Variants in KDM7A observed in about 807,000 individuals in gnomAD.
KDM7A encodes lysine-specific demethylase 7A.
Under a neutral mutation model 114.8 loss-of-function variants are expected in KDM7A, and 28 were observed. The ratio of observed to expected loss-of-function variants is 0.24; its 90% CI spans 0.18 to 0.33. The LOEUF is 0.33. Among genes scored for constraint, KDM7A ranks in the 10% least tolerant of loss-of-function variants. The pLI, the probability that KDM7A is intolerant of heterozygous loss-of-function variation, is 1.00. For synonymous variants in KDM7A, 423 were observed against 397.8 expected (o/e 1.06, Z -0.75); for missense variants, 942 against 1,142.5 (o/e 0.82, Z 2.53).
chr7:140,098,684 T>C (rs1013072680), intron 14 of KDM7A, among the ~76,000 whole-genome samples, 195 bp downstream of exon 14: 1 of 152,188 alleles, frequency 6.6e-6, no homozygotes, highest in African/African-American at 2.4e-5. Flanking sequence ...ACACCGCCCC[T>C]GGCCACTGGG....
rs1255151393 is a variant in KDM7A, at chr7:140,088,319, T to A, written c.*2775A>T. The A allele has an allele frequency of 2.6e-6, 1 of 390,732 alleles. No individual in the cohort carries two copies. The highest frequency in any genetic ancestry group is 4.4e-5 in the Admixed American group (1 of 22,526). The allele number at this position is 390,732 out of a possible 1,614,324, so 24.2% of individuals were successfully genotyped here. ...TGTGACATTGTAAATTATAATCCAA[T>A]GGATCCCAGCTGAACAGTCACTTAT... On this transcript the variant is annotated 3_prime_UTR_variant, in exon 20 of 20. Transcript: ENST00000397560.
chr7:140,162,335 C>T (rs62491432), intron 1 of KDM7A, among the ~76,000 whole-genome samples: 1 of 117,628 alleles, frequency 8.5e-6, no homozygotes, highest in South Asian at 2.5e-4. Flanking sequence ...AACTCAGTCT[C>T]CCAAAAAAAA....
chr7:140,094,297 G>T (rs186192401), intron 17 of KDM7A, among the ~76,000 whole-genome samples, 159 bp from the exon 18 acceptor site: 1 of 152,360 alleles, frequency 6.6e-6, no homozygotes, highest in East Asian at 1.9e-4. Flanking sequence ...TTGAAGTCAG[G>T]AGTTCGAGAC....
At chr7:140,100,153 G>T in intron 12 of KDM7A, 130 bp from the exon 13 acceptor site, 1 of 886,660 alleles carries the variant, frequency 1.1e-6, no homozygotes, top group Non-Finnish European at 1.8e-6. Flanking sequence ...ACCTGGGCTT[G>T]GGGATATGCA....
chr7:140,099,606 T>C (rs1818169199), intron 13 of KDM7A, among the ~76,000 whole-genome samples: 1 of 152,190 alleles, frequency 6.6e-6, no homozygotes, highest in Admixed American at 6.5e-5. Context: ...GAGTGAGCAT[T>C]ACCACCTGAG....
intron 1 of KDM7A, among the ~76,000 whole-genome samples, chr7:140,139,492 T>C (rs1403829479): frequency 6.6e-6 from 1 of 152,148 alleles, no homozygotes; most frequent in Non-Finnish European, 1.5e-5. Flanking sequence ...TGTTATTAAA[T>C]GTCAATAAAA....
At chr7:140,121,883 G>T (rs1818623053) in intron 7 of KDM7A, among the ~76,000 whole-genome samples, 1 of 152,060 alleles carries the variant, frequency 6.6e-6, no homozygotes, top group African/African-American at 2.4e-5. Flanking sequence ...CACAAAAACT[G>T]TACTGTAGTT....
chr7:140,109,026 T>C (rs1818389774), intron 11 of KDM7A, among the ~76,000 whole-genome samples: 1 of 152,264 alleles, frequency 6.6e-6, no homozygotes, highest in East Asian at 1.9e-4. Context: ...CAGACTGCTG[T>C]GCTAGCAGTG....
chr7:140,113,506 T>G lies in KDM7A; in HGVS notation c.1323A>C (p.Leu441Phe), dbSNP rs746866549. The change falls in exon 10 of 20, where the codon TTA becomes TTC. Residue 441 changes from leucine (L) to phenylalanine (F), a missense_variant. Coordinates refer to ENST00000397560, the MANE Select transcript of KDM7A (RefSeq NM_030647.2). ...GVKALHTALK[L>F]WMKKELVSEH... is the part of the protein sequence containing the mutation. ...AACAACTTACTTCTTTTTTCATCCA[T>G]AATTTTAAAGCAGTATGCAGTGCTT... 1.9e-6 allele frequency: 3 copies of G among 1,583,480 alleles called. No individual in the cohort carries two copies. In the East Asian group the frequency reaches 6.8e-5, roughly 36 times the overall value.
intron 1 of KDM7A, among the ~76,000 whole-genome samples, chr7:140,151,027 C>T (rs1004040744): frequency 1.3e-5 from 2 of 152,042 alleles, no homozygotes; most frequent in African/African-American, 2.4e-5. Flanking sequence ...GATGGGGTTT[C>T]ACCATGTTGG....
chr7:140,116,157 A>G (rs1007792884), intron 9 of KDM7A, among the ~76,000 whole-genome samples: 2 of 152,198 alleles, frequency 1.3e-5, no homozygotes, highest in African/African-American at 4.8e-5. Flanking sequence ...TTCTGGAGTA[A>G]TTCTTGTACT....
chr7:140,122,049 G>A (rs914884648), intron 7 of KDM7A, among the ~76,000 whole-genome samples: 3 of 152,112 alleles, frequency 2.0e-5, no homozygotes, highest in Non-Finnish European at 2.9e-5. Context: ...CACAGAATCC[G>A]AACCTTGGCC....
chr7:140,140,436 T>TC, intron 1 of KDM7A, among the ~76,000 whole-genome samples: 1 of 152,140 alleles, frequency 6.6e-6, no homozygotes, highest in Non-Finnish European at 1.5e-5. Context: ...AAAGGATACT[T>TC]CTAAAACATC....
chr7:140,113,390 C>T, intron 10 of KDM7A, 101 bp downstream of exon 10: 1 of 601,046 alleles, frequency 1.7e-6, no homozygotes, highest in Non-Finnish European at 3.0e-6. Flanking sequence ...TCTATTCCCT[C>T]TACTACTGGC....
At chr7:140,151,463 C>T (rs1794399580) in intron 1 of KDM7A, among the ~76,000 whole-genome samples, 1 of 151,814 alleles carries the variant, frequency 6.6e-6, no homozygotes, top group Admixed American at 6.6e-5. Flanking sequence ...TCTTGGAGCC[C>T]GTTTAAATAT....
At chr7:140,114,275 C>G (rs1818478732) in intron 9 of KDM7A, among the ~76,000 whole-genome samples, 2 of 152,114 alleles carry the variant, frequency 1.3e-5, no homozygotes. Flanking sequence ...CTGCTTGATT[C>G]TCCTGCCTCA....
rs762605804 is a variant in KDM7A, at chr7:140,129,659, G to A, written c.399-6C>T. ...TTATAATTATTTCATCGGCACTAAG[G>A]AAAAACATAAGAATAAAAATGTCAT... On this transcript the variant is annotated splice_polypyrimidine_tract_variant and splice_region_variant and intron_variant, in intron 3 of 19. Transcript: ENST00000397560. 1 of 1,585,530 alleles carries A rather than the reference G, an allele frequency of 6.3e-7. No individual in the cohort carries two copies. Among genetic ancestry groups the A allele is most frequent in the South Asian group, 1.1e-5 (1 of 89,730 alleles).
chr7:140,114,302 G>C (rs1012310971), intron 9 of KDM7A, among the ~76,000 whole-genome samples: 4 of 151,804 alleles, frequency 2.6e-5, no homozygotes, highest in East Asian at 1.9e-4. Context: ...CGAGTGCCTG[G>C]GATTGCAGGC....
chr7:140,129,591 T>C lies in KDM7A; in HGVS notation c.461A>G (p.His154Arg), dbSNP rs781452203. ...GACCATAATAGGGACATCAAATCCA[T>C]GTTTCTCCAGATATCTTTGTGTCAG... ...SQLTQRYLEK[H>R]GFDVPIMVPK... The change falls in exon 4 of 20, where the codon CAT becomes CGT. Residue 154 changes from histidine to arginine, a missense_variant. Coordinates refer to ENST00000397560, the MANE Select transcript of KDM7A (RefSeq NM_030647.2). 6 of 1,611,366 alleles carry C rather than the reference T, an allele frequency of 3.7e-6. No homozygotes were observed. The highest frequency in any genetic ancestry group is 2.2e-5 in the East Asian group (1 of 44,832).
Sources: allele counts gnomAD v4.1 joint callset (sites outside exome capture counted in the v4.1 genomes callset), GRCh38; gene constraint gnomAD v4.1.1; transcripts MANE v1.5; gene names NCBI Gene and HGNC (gene_info 2026-07-23, HGNC 2026-07-21).